ARL13A: variants seen among roughly 807,000 people sequenced by gnomAD.
ARL13A encodes the protein ARF like GTPase 13A.
In ARL13A, 16 loss-of-function variants were observed where a neutral mutation model predicts 19.1. The ratio of observed to expected loss-of-function variants is 0.84; its 90% CI spans 0.57 to 1.27. The LOEUF is 1.27. Ranked by LOEUF, ARL13A falls within the 50% of genes most tolerant of loss-of-function variation. ARL13A has a pLI of 0.00. For synonymous variants in ARL13A, 69 were observed against 71.3 expected (o/e 0.97, Z 0.17); for missense variants, 153 against 186.4 (o/e 0.82, Z 1.04).
At chrX:100,987,368 C>T (rs1427409989) in intron 5 of ARL13A, 22 bp from the exon 6 acceptor site, 2 of 1,206,537 alleles carry the variant, frequency 1.7e-6, no homozygotes, top group South Asian at 3.5e-5. Flanking sequence ...GGTCTGCAGC[C>T]TTCTCTTCTC....
At chrX:100,987,759 G>A (rs2085957265) in intron 6 of ARL13A, among the ~76,000 whole-genome samples, 1 of 111,630 alleles carries the variant, frequency 9.0e-6, no homozygotes, top group Non-Finnish European at 1.9e-5. Context: ...CATAACTTGA[G>A]TGGTCATATG....
chrX:100,977,552 T>C (rs1468334269), intron 3 of ARL13A, among the ~76,000 whole-genome samples: 2 of 110,270 alleles, frequency 1.8e-5, no homozygotes, highest in East Asian at 5.7e-4. Context: ...GGCTTATTTT[T>C]GTATTTTTAT....
At chrX:100,973,638 A>T in intron 1 of ARL13A, 38 bp from the exon 2 acceptor site, 1 of 1,156,696 alleles carries the variant, frequency 8.6e-7, no homozygotes, top group Non-Finnish European at 1.2e-6. Flanking sequence ...TTATAACAGG[A>T]CTTACTTCTT....
rs2085716468 is a variant in ARL13A, at chrX:100,973,668, T to C, written c.-14-8T>C. 3.3e-6 allele frequency: 4 copies of C among 1,204,868 alleles called. No individual in the cohort carries two copies. Among genetic ancestry groups the C allele is most frequent in the Non-Finnish European group, 4.5e-6 (4 of 889,671 alleles). On this transcript the variant is annotated splice_polypyrimidine_tract_variant and splice_region_variant and intron_variant, in intron 1 of 7. Transcript: ENST00000450049. ...CTTCTTATTTTCTTTCTTCTCTTAA[T>C]ATTTAAGAACTAAGATGAATCATGT...
intron 7 of ARL13A, among the ~76,000 whole-genome samples, chrX:100,989,183 T>C (rs2085984721): frequency 9.0e-6 from 1 of 111,207 alleles, no homozygotes; most frequent in African/African-American, 3.3e-5. Context: ...AATAGCAAGT[T>C]AGAATACAGC....
intron 7 of ARL13A, chrX:100,988,564 G>A: frequency 1.9e-6 from 2 of 1,031,469 alleles, no homozygotes; most frequent in South Asian, 4.9e-5. Context: ...TGAAGGTAAT[G>A]CTGGATCAGT....
chrX:100,974,257 G>A (rs1245212554), intron 3 of ARL13A, 60 bp downstream of exon 3: 2 of 902,758 alleles, frequency 2.2e-6, no homozygotes, highest in South Asian at 2.2e-5. Flanking sequence ...AGAATCCAGT[G>A]AAATAATCCT....
chrX:100,984,040 T>C (rs1456015272), intron 3 of ARL13A, among the ~76,000 whole-genome samples: 1 of 111,301 alleles, frequency 9.0e-6, no homozygotes, highest in Non-Finnish European at 1.9e-5. Flanking sequence ...AGAGCTAGGC[T>C]AGAACGGTCA....
intron 1 of ARL13A, 98 bp from the exon 2 acceptor site, chrX:100,973,578 T>C: frequency 1.0e-6 from 1 of 956,481 alleles, no homozygotes; most frequent in East Asian, 3.2e-5. Context: ...ATCCCAGGCT[T>C]TCTGTTTATC....
chrX:100,977,369 C>CTTTTTTTTTTTTTTT lies in ARL13A; in HGVS notation c.130+3187_130+3201dup, dbSNP rs59915769. 2.1e-4 allele frequency among the ~76,000 whole-genome samples: 12 copies of CTTTTTTTTTTTTTTT among 56,457 alleles called. 1 individual carries two copies. The highest frequency in any genetic ancestry group is 8.6e-4 in the African/African-American group (12 of 13,964). The allele number at this position is 56,457 out of a possible 115,157, so 49.0% of individuals were successfully genotyped here. A position where few individuals can be genotyped will look rare whatever the true frequency, so the allele number is the denominator to read the frequency against. On this transcript the variant is annotated intron_variant, in intron 3 of 7. Transcript: ENST00000450049. ...GTAGTAATTATCCTTCTACTCTCTTCTTTTTTTTTTTTTTTTTTTTTTTTT... is the reference window on the plus strand; with the variant it reads ...GTAGTAATTATCCTTCTACTCTCTTCTTTTTTTTTTTTTTTTTTTTTTTTTTTTTTTTTTTTTTTT...
rs750941907 is a variant in ARL13A at position 100,986,848 on chromosome X, G to A, written c.433G>A (p.Asp145Asn). ...AGCCCTCATGCCTTGTGATATTATTGACTATCTACTTCTAAAGAAGCTAGT... is the reference window on the plus strand; with the variant it reads ...AGCCCTCATGCCTTGTGATATTATTAACTATCTACTTCTAAAGAAGCTAGT... ...KKALMPCDII[D>N]YLLLKKLVKE... is the part of the protein sequence containing the mutation. The change falls in exon 5 of 8, where the codon GAC becomes AAC. Residue 145 changes from aspartate to asparagine, a missense_variant. Transcript: ENST00000450049. 8.3e-7 allele frequency: 1 copy of A among 1,206,170 alleles called. No homozygotes were observed. The highest frequency in any genetic ancestry group is 3.0e-5 in the East Asian group (1 of 33,653).
In ARL13A at chrX:100,981,012, G is replaced by T. The variant is rs775140790; in HGVS notation, c.131-4655G>T. Among the ~76,000 whole-genome samples the T allele has an allele frequency of 1.3e-4, 14 of 111,966 alleles. No homozygotes were observed. In the South Asian group the frequency reaches 4.9e-3, roughly 39 times the overall value. On this transcript the variant is annotated intron_variant, in intron 3 of 7. Coordinates refer to ENST00000450049, the MANE Select transcript of ARL13A (RefSeq NM_001162491.2). Reference sequence around the variant, plus strand: ...TACTCTTCCCTCTCCTCCTGGAGCTGCAAGCTGTGCTGCCCGGCACTGGTG... The same window carrying T: ...TACTCTTCCCTCTCCTCCTGGAGCTTCAAGCTGTGCTGCCCGGCACTGGTG...
chrX:100,969,910 T>G (rs1165985870), intron 1 of ARL13A, 101 bp downstream of exon 1: 2 of 112,349 alleles, frequency 1.8e-5, no homozygotes, highest in African/African-American at 6.5e-5. Flanking sequence ...GAAGAGGCAC[T>G]AGAAATAAAG....
chrX:100,976,889 C>T (rs899795488), intron 3 of ARL13A, among the ~76,000 whole-genome samples: 1 of 112,767 alleles, frequency 8.9e-6, no homozygotes, highest in African/African-American at 3.2e-5. Flanking sequence ...TAAGCCACTG[C>T]ACCCAGCTGC....
At chrX:100,981,121 C>T (rs1356975072) in intron 3 of ARL13A, among the ~76,000 whole-genome samples, 1 of 111,609 alleles carries the variant, frequency 9.0e-6, no homozygotes, top group Admixed American at 9.5e-5. Context: ...GGCTCCAAGC[C>T]CATCACAGCA....
intron 3 of ARL13A, among the ~76,000 whole-genome samples, chrX:100,980,195 C>A (rs1048199866): frequency 3.6e-5 from 4 of 111,798 alleles, no homozygotes; most frequent in African/African-American, 1.3e-4. Flanking sequence ...GCAGCAGGTT[C>A]CTTTCTGGTC....
At chrX:100,984,762 G>C (rs943594977) in intron 3 of ARL13A, among the ~76,000 whole-genome samples, 9 of 112,183 alleles carry the variant, frequency 8.0e-5, no homozygotes, top group African/African-American at 2.9e-4. Flanking sequence ...GAAAGAGAGA[G>C]AGAAGTGAGA....
chrX:100,988,851 C>CATATATATATATAT (rs55947893), intron 7 of ARL13A, among the ~76,000 whole-genome samples: 23 of 79,676 alleles, frequency 2.9e-4, no homozygotes, highest in African/African-American at 6.9e-4. Flanking sequence ...TAATATATCT[C>CATATATATATATAT]ATATATATAT....
At chrX:100,987,953 A>G (rs1283990338) in intron 6 of ARL13A, among the ~76,000 whole-genome samples, 1 of 112,013 alleles carries the variant, frequency 8.9e-6, no homozygotes, top group African/African-American at 3.3e-5. Flanking sequence ...CTCTAGTTCT[A>G]TAATCCTCCC....
Sources: allele counts gnomAD v4.1 joint callset (sites outside exome capture counted in the v4.1 genomes callset), GRCh38; gene constraint gnomAD v4.1.1; transcripts MANE v1.5; gene names NCBI Gene and HGNC (gene_info 2026-07-23, HGNC 2026-07-21).